Variants in FRMD4B observed in about 807,000 individuals in gnomAD.
FRMD4B encodes the protein FERM domain-containing protein 4B.
A neutral mutation model predicts 141.5 loss-of-function variants in FRMD4B; 74 were observed. The observed-to-expected ratio is 0.52, with a 90% CI of 0.43 to 0.63. The LOEUF is 0.63. FRMD4B is among the 30% of genes least tolerant of loss of function. The pLI is 0.00. For synonymous variants in FRMD4B, 506 were observed against 467.9 expected (o/e 1.08, Z -1.05); for missense variants, 1,366 against 1,253.4 (o/e 1.09, Z -1.36).
intron 2 of FRMD4B, among the ~76,000 whole-genome samples, chr3:69,395,946 G>T (rs1435932480): frequency 6.6e-6 from 1 of 152,166 alleles, no homozygotes; most frequent in East Asian, 1.9e-4. Flanking sequence ...TAGCATCAGA[G>T]AAATTTAAGG....
chr3:69,372,385 C>G (rs990498942), intron 1 of FRMD4B, among the ~76,000 whole-genome samples: 1 of 152,216 alleles, frequency 6.6e-6, no homozygotes, highest in Non-Finnish European at 1.5e-5. Flanking sequence ...AACAATGAGG[C>G]TGGGTGTGAT....
Position 69,231,266 on chromosome 3 carries a change from T to C in FRMD4B, c.582-6576A>G, listed in dbSNP as rs573552356. On this transcript the variant is annotated intron_variant, in intron 7 of 22. Coordinates refer to ENST00000398540, the MANE Select transcript of FRMD4B (RefSeq NM_015123.3). Reference sequence around the variant, plus strand: ...CTGGGGTCCTGGCAACATTCCTCACTGGCTGTGGTTGTATTGCTGCATCCT... The same window carrying C: ...CTGGGGTCCTGGCAACATTCCTCACCGGCTGTGGTTGTATTGCTGCATCCT... Among the ~76,000 whole-genome samples the C allele has an allele frequency of 2.6e-5, 4 of 152,324 alleles. No individual in the cohort carries two copies. The East Asian group carries it at 7.7e-4, about 29-fold the overall frequency.
chr3:69,223,105 A>G (rs1486736308), intron 8 of FRMD4B, among the ~76,000 whole-genome samples: 1 of 152,244 alleles, frequency 6.6e-6, no homozygotes, highest in Non-Finnish European at 1.5e-5. Context: ...AAACCCTTTT[A>G]TTGCCCTAGA....
intron 1 of FRMD4B, among the ~76,000 whole-genome samples, chr3:69,513,558 C>G (rs933277675): frequency 6.6e-6 from 1 of 152,090 alleles, no homozygotes; most frequent in African/African-American, 2.4e-5. Context: ...TTTTATGAGG[C>G]CAGCATTACC....
intron 1 of FRMD4B, among the ~76,000 whole-genome samples, chr3:69,347,308 A>T (rs1395699113): frequency 6.6e-6 from 1 of 152,218 alleles, no homozygotes; most frequent in Admixed American, 6.5e-5. Context: ...TGCACCCAAT[A>T]CAGGAGCACC....
At chr3:69,358,833 G>A (rs1703395003) in intron 1 of FRMD4B, among the ~76,000 whole-genome samples, 1 of 152,172 alleles carries the variant, frequency 6.6e-6, no homozygotes, top group African/African-American at 2.4e-5. Flanking sequence ...GAGTTATCAT[G>A]GAGGTGGGCT....
At chr3:69,534,300 A>G (rs1410563368) in intron 1 of FRMD4B, among the ~76,000 whole-genome samples, 2 of 152,236 alleles carry the variant, frequency 1.3e-5, no homozygotes, top group Non-Finnish European at 2.9e-5. Flanking sequence ...TCAGCAAGGG[A>G]GAAAGGAATA....
At chr3:69,264,867 CAG>C (rs1156430053) in intron 5 of FRMD4B, among the ~76,000 whole-genome samples, 1 of 152,090 alleles carries the variant, frequency 6.6e-6, no homozygotes, top group African/African-American at 2.4e-5. Context: ...GACCGCTTCT[CAG>C]AAACTTGATC....
At chr3:69,350,691 G>A (rs1280752519) in intron 1 of FRMD4B, among the ~76,000 whole-genome samples, 1 of 152,080 alleles carries the variant, frequency 6.6e-6, no homozygotes, top group Non-Finnish European at 1.5e-5. Flanking sequence ...GGATGGTGCT[G>A]GAAACTATCA....
intron 5 of FRMD4B, among the ~76,000 whole-genome samples, chr3:69,252,427 T>A (rs969241467): frequency 6.6e-6 from 1 of 152,164 alleles, no homozygotes; most frequent in Admixed American, 6.5e-5. Flanking sequence ...AGCAAAATCT[T>A]GTTCCAGGAA....
chr3:69,288,196 C>T (rs1700754744), intron 4 of FRMD4B, among the ~76,000 whole-genome samples: 1 of 152,220 alleles, frequency 6.6e-6, no homozygotes, highest in Admixed American at 6.5e-5. Context: ...CGCAGATGAA[C>T]TAGGAGTTGA....
chr3:69,353,765 G>C (rs1703232435), intron 1 of FRMD4B: 1 of 946,920 alleles, frequency 1.1e-6, no homozygotes, highest in Admixed American at 6.2e-5. Context: ...TGACCATACT[G>C]TTTGTTTCTT....
At position 69,277,010 on chromosome 3, in the gene FRMD4B, C is replaced by A. The variant is rs557712302; in HGVS notation, c.501+10742G>T. 1.1e-3 allele frequency among the ~76,000 whole-genome samples: 164 copies of A among 152,180 alleles called. 1 individual carries two copies. The highest frequency in any genetic ancestry group is 2.1e-3 in the Non-Finnish European group (144 of 68,040). The stretch of plus-strand genomic sequence containing the variant: ...CATGTTTTCAGATGATAGGCTGAGA[C>A]TGTCACGAAGTTGGCTAATGAAAGG... On this transcript the variant is annotated intron_variant, in intron 5 of 22. Coordinates refer to ENST00000398540, the MANE Select transcript of FRMD4B (RefSeq NM_015123.3).
chr3:69,513,276 T>C (rs1706718635), intron 1 of FRMD4B, among the ~76,000 whole-genome samples: 1 of 152,112 alleles, frequency 6.6e-6, no homozygotes, highest in Non-Finnish European at 1.5e-5. Flanking sequence ...AATGAACAAT[T>C]GTATACCAAC....
chr3:69,340,235 G>C (rs967782037), intron 1 of FRMD4B, among the ~76,000 whole-genome samples: 1 of 152,046 alleles, frequency 6.6e-6, no homozygotes, highest in Non-Finnish European at 1.5e-5. Flanking sequence ...TGTCATGGGG[G>C]TTTGGTGTAC....
chr3:69,194,362 A>G (rs1460768397), intron 16 of FRMD4B, among the ~76,000 whole-genome samples: 3 of 152,224 alleles, frequency 2.0e-5, no homozygotes, highest in Non-Finnish European at 4.4e-5. Context: ...ATGAGATAGT[A>G]TATGTGCATT....
rs376435479 is a variant in FRMD4B at position 69,302,437 on chromosome 3, T to C, written c.324-2A>G. 6.4e-7 allele frequency: 1 copy of C among 1,558,442 alleles called. No individual in the cohort carries two copies. The highest frequency in any genetic ancestry group is 8.8e-7 in the Non-Finnish European group (1 of 1,134,324). ...AACTGCAGCCAGTTCTGCTGACCTC[T>C]GTGAGAGCAAAGCAAAGAAAAAGGA... On this transcript the variant is annotated splice_acceptor_variant, in intron 3 of 22. Transcript: ENST00000398540. LOFTEE classifies it high-confidence loss of function.
At chr3:69,335,370 G>T in intron 1 of FRMD4B, among the ~76,000 whole-genome samples, 1 of 109,914 alleles carries the variant, frequency 9.1e-6, no homozygotes, top group African/African-American at 3.3e-5. Context: ...TTTCATTATT[G>T]CATTTTTTTT....
chr3:69,262,929 A>G (rs983346497), intron 5 of FRMD4B, among the ~76,000 whole-genome samples: 4 of 152,184 alleles, frequency 2.6e-5, no homozygotes, highest in African/African-American at 9.7e-5. Flanking sequence ...CTGTCATACA[A>G]AGTTCAAAGT....
Sources: allele counts gnomAD v4.1 joint callset (sites outside exome capture counted in the v4.1 genomes callset), GRCh38; gene constraint gnomAD v4.1.1; transcripts MANE v1.5; gene names NCBI Gene and HGNC (gene_info 2026-07-23, HGNC 2026-07-21).